The following FILIP1 variants were observed in gnomAD, a reference collection of about 807,000 sequenced individuals.
The protein encoded by FILIP1 is filamin-A-interacting protein 1.
FILIP1 carries 61 observed loss-of-function variants against 102.1 expected under a neutral mutation model. The ratio of observed to expected loss-of-function variants is 0.60; its 90% CI spans 0.49 to 0.74. The LOEUF (loss-of-function observed/expected upper bound fraction) is 0.74, where lower values mean the gene tolerates loss of function less well. Ranked by LOEUF, FILIP1 falls within the 30% of genes least tolerant of loss-of-function variation. The pLI, the probability that FILIP1 is intolerant of heterozygous loss-of-function variation, is 0.00. For synonymous variants in FILIP1, 491 were observed against 526.9 expected, an observed-to-expected ratio of 0.93 and a Z score of 0.93; for missense variants, 1,314 against 1,441.2, an observed-to-expected ratio of 0.91 and a Z score of 1.43.
At chr6:75,385,835 C>T (rs1776077446) in intron 2 of FILIP1, among the ~76,000 whole-genome samples, 1 of 150,606 alleles carries the variant, frequency 6.6e-6, no homozygotes, top group Non-Finnish European at 1.5e-5. Context: ...CTTGTAGCCC[C>T]TTAGGATTTT....
chr6:75,459,274 T>A (rs964764927), intron 1 of FILIP1, among the ~76,000 whole-genome samples: 3 of 152,212 alleles, frequency 2.0e-5, no homozygotes, highest in Non-Finnish European at 4.4e-5. Context: ...TCTTAAATTA[T>A]GAGTTGAGTT....
At chr6:75,441,732 G>C (rs1188969666) in intron 1 of FILIP1, among the ~76,000 whole-genome samples, 20 of 146,106 alleles carry the variant, frequency 1.4e-4, no homozygotes, top group Non-Finnish European at 2.1e-4. Context: ...CTCCCTCCCG[G>C]ACGGGGCGGC....
At position 75,475,410 on chromosome 6, in the gene FILIP1, T is replaced by C. The variant is rs76390113; in HGVS notation, c.-7+18004A>G. 8.1e-4 allele frequency among the ~76,000 whole-genome samples: 123 copies of C among 152,298 alleles called. 3 individuals carry two copies. In the East Asian group the frequency reaches 0.021, roughly 26 times the overall value. On this transcript the variant is annotated intron_variant, in intron 1 of 5. Transcript: ENST00000237172. ...TTCCTCTCCTGAAATCAGCTCACAG[T>C]ACTGGTTGTATTTATGATGGGTAGC...
downstream of FILIP1, among the ~76,000 whole-genome samples, chr6:75,307,581 C>T (rs1489738526): frequency 1.3e-5 from 2 of 152,126 alleles, no homozygotes; most frequent in African/African-American, 4.8e-5. Flanking sequence ...ACAAAGTCCA[C>T]CTTAACATGG....
chr6:75,443,118 A>G (rs997279799), intron 1 of FILIP1, among the ~76,000 whole-genome samples: 3 of 152,178 alleles, frequency 2.0e-5, no homozygotes, highest in African/African-American at 7.2e-5. Flanking sequence ...GTATTAGAAA[A>G]TTTGTAGTTA....
chr6:75,427,623 G>A lies in FILIP1; in HGVS notation c.-6-12645C>T, dbSNP rs192615928. On this transcript the variant is annotated intron_variant, in intron 1 of 5. Transcript: ENST00000237172. ...ACTCTGCCCCAAAACTATCGATTGCGTCTCTCTCTGCCCCACCTAACCTCC... is the reference window on the plus strand; with the variant it reads ...ACTCTGCCCCAAAACTATCGATTGCATCTCTCTCTGCCCCACCTAACCTCC... Among the ~76,000 whole-genome samples the A allele has an allele frequency of 3.5e-3, 527 of 152,150 alleles. 4 individuals are homozygous for A. The highest frequency in any genetic ancestry group is 0.011 in the African/African-American group (476 of 41,516).
At chr6:75,447,234 G>A (rs1433461135) in intron 1 of FILIP1, among the ~76,000 whole-genome samples, 5 of 152,112 alleles carry the variant, frequency 3.3e-5, no homozygotes, top group African/African-American at 1.2e-4. Flanking sequence ...TAGAAATGTA[G>A]AATTTTAGAT....
chr6:75,343,526 C>T (rs1283235851), intron 4 of FILIP1, among the ~76,000 whole-genome samples: 1 of 152,180 alleles, frequency 6.6e-6, no homozygotes, highest in East Asian at 1.9e-4. Flanking sequence ...TGTTTCTATC[C>T]TCTCAGAGAA....
chr6:75,360,733 GATACCCTCGCTGGGCCTA>G (rs1775148638), intron 3 of FILIP1: 1 of 152,176 alleles, frequency 6.6e-6, no homozygotes, highest in Non-Finnish European at 1.5e-5. Context: ...AGTTCTATTG[GATACCCTCGCTGGGCCTA>G]ATATGGTATG....
intron 1 of FILIP1, among the ~76,000 whole-genome samples, chr6:75,419,141 A>C (rs1777366894): frequency 6.6e-6 from 1 of 152,188 alleles, no homozygotes. Flanking sequence ...GAAAAGAAAA[A>C]AAAGGAAACA....
intron 4 of FILIP1, among the ~76,000 whole-genome samples, chr6:75,316,239 T>C (rs1206130671): frequency 6.6e-6 from 1 of 152,198 alleles, no homozygotes; most frequent in Non-Finnish European, 1.5e-5. Flanking sequence ...TATTTACCCA[T>C]AAAACAAAAT....
At chr6:75,370,567 T>C (rs1305918689) in intron 2 of FILIP1, among the ~76,000 whole-genome samples, 1 of 146,346 alleles carries the variant, frequency 6.8e-6, no homozygotes, top group African/African-American at 2.6e-5. Context: ...TGGGAGTCTC[T>C]TCTTTTTTTT....
Position 75,308,705 on chromosome 6 carries a change from C to G in FILIP1, c.3628G>C (p.Gly1210Arg), listed in dbSNP as rs138460165. 2 of 1,613,084 alleles carry G rather than the reference C, an allele frequency of 1.2e-6. No homozygotes were observed. The highest frequency in any genetic ancestry group is 1.3e-5 in the African/African-American group (1 of 75,014). Residue 1210 changes from glycine (G) to arginine (R), a missense_variant, in exon 6 of 6, where the codon GGG (glycine) becomes CGG (arginine). Gly to Arg is a moderately radical substitution (Grantham distance 125, BLOSUM62 -2). Coordinates refer to ENST00000237172, the MANE Select transcript of FILIP1 (RefSeq NM_015687.5). Reference protein sequence around the residue: ...SAASSTTSLGGGKG With the variant: ...SAASSTTSLGRGKG ...AGCCACTGCCCTCAGCCCTTCCCCC[C>G]TCCGAGAGAGGTGGTGCTGCTGGCT...
chr6:75,367,047 A>C (rs1379389041), intron 2 of FILIP1, among the ~76,000 whole-genome samples: 1 of 152,188 alleles, frequency 6.6e-6, no homozygotes, highest in African/African-American at 2.4e-5. Flanking sequence ...AAAAATACGC[A>C]AATATTATTG....
intron 1 of FILIP1, among the ~76,000 whole-genome samples, chr6:75,447,473 C>T (rs143738577): frequency 1.3e-5 from 2 of 152,200 alleles, no homozygotes; most frequent in Non-Finnish European, 2.9e-5. Flanking sequence ...ATTCCACTGA[C>T]TATTTGAAGA....
chr6:75,440,939 A>C (rs1778190171), intron 1 of FILIP1, among the ~76,000 whole-genome samples: 1 of 147,538 alleles, frequency 6.8e-6, no homozygotes, highest in Non-Finnish European at 1.5e-5. Flanking sequence ...ACAAGGAGCG[A>C]CGTCTCAAAA....
intron 1 of FILIP1, among the ~76,000 whole-genome samples, chr6:75,479,860 C>G (rs1371349417): frequency 3.2e-5 from 3 of 94,184 alleles, no homozygotes; most frequent in Admixed American, 1.6e-4. Context: ...CAGAGTAAAG[C>G]TGTATCTCAA....
intron 4 of FILIP1, among the ~76,000 whole-genome samples, chr6:75,331,761 GTA>G (rs1562468905): frequency 1.7e-4 from 2 of 11,684 alleles, no homozygotes; most frequent in African/African-American, 3.4e-3. Flanking sequence ...AGGCACCCTT[GTA>G]CACTACACCT....
chr6:75,456,448 C>A, intron 1 of FILIP1, among the ~76,000 whole-genome samples: 1 of 152,076 alleles, frequency 6.6e-6, no homozygotes, highest in Admixed American at 6.5e-5. Flanking sequence ...ATACAGGATG[C>A]TCAGTTAAGT....
Sources: allele counts gnomAD v4.1 joint callset (sites outside exome capture counted in the v4.1 genomes callset), GRCh38; gene constraint gnomAD v4.1.1; transcripts MANE v1.5; gene names NCBI Gene and HGNC (gene_info 2026-07-23, HGNC 2026-07-21).